The following SDK1 variants were observed in gnomAD, a reference collection of about 807,000 sequenced individuals.
The protein encoded by SDK1 is protein sidekick-1.
A neutral mutation model predicts 245.5 loss-of-function variants in SDK1; 157 were observed. The ratio of observed to expected loss-of-function variants is 0.64; its 90% CI spans 0.56 to 0.73. The LOEUF is 0.73. SDK1 is among the 30% of genes least tolerant of loss of function. The probability of loss-of-function intolerance (pLI) is 0.00; values close to 1 mark genes in which losing one functional copy is unlikely to be tolerated. For missense variants in SDK1, 3,583 were observed against 3,002.3 expected (o/e 1.19, Z -4.52); for synonymous variants, 1,647 against 1,278.5 (o/e 1.29, Z -6.15).
intron 17 of SDK1, among the ~76,000 whole-genome samples, chr7:4,018,611 T>C (rs981248070): frequency 6.6e-6 from 1 of 152,270 alleles, no homozygotes; most frequent in Non-Finnish European, 1.5e-5. Flanking sequence ...AAGACTCATA[T>C]TGCTATTAGT....
chr7:4,230,084 G>GAA, intron 40 of SDK1, among the ~76,000 whole-genome samples: 2 of 144,988 alleles, frequency 1.4e-5, no homozygotes, highest in Non-Finnish European at 3.0e-5. Flanking sequence ...AGGAAGGAAG[G>GAA]GTGGGCAGGC....
At chr7:3,302,695 C>T (rs1274971577) in intron 1 of SDK1, among the ~76,000 whole-genome samples, 1 of 144,106 alleles carries the variant, frequency 6.9e-6, no homozygotes, top group East Asian at 2.3e-4. Context: ...GGTCTTTAAA[C>T]CAAAACACCC....
At chr7:3,572,468 A>G (rs1032940890) in intron 1 of SDK1, among the ~76,000 whole-genome samples, 1 of 151,970 alleles carries the variant, frequency 6.6e-6, no homozygotes, top group Non-Finnish European at 1.5e-5. Context: ...AATTTCCTAT[A>G]AACTGCGCAG....
At chr7:4,175,955 C>A in intron 34 of SDK1, 121 bp downstream of exon 34, 1 of 784,984 alleles carries the variant, frequency 1.3e-6, no homozygotes, top group Non-Finnish European at 2.2e-6. Context: ...CTGGAATCGC[C>A]TCTCAAACGC....
At chr7:3,520,328 G>C (rs1199155525) in intron 1 of SDK1, among the ~76,000 whole-genome samples, 2 of 152,130 alleles carry the variant, frequency 1.3e-5, no homozygotes, top group Non-Finnish European at 2.9e-5. Context: ...TGTCAACCTA[G>C]GTAAGAACAT....
At chr7:4,005,393 AGTGTGTGTGTGTGTGTGTGT>A (rs71032920) in intron 14 of SDK1, among the ~76,000 whole-genome samples, 6 of 129,818 alleles carry the variant, frequency 4.6e-5, no homozygotes, top group Non-Finnish European at 9.7e-5. Flanking sequence ...TTCTTATGTG[AGTGTGTGTGTGTGTGTGTGT>A]GTGTGTGTGT....
chr7:3,850,492 C>T (rs1021647647), intron 5 of SDK1, among the ~76,000 whole-genome samples: 1 of 152,170 alleles, frequency 6.6e-6, no homozygotes, highest in Non-Finnish European at 1.5e-5. Context: ...TTTGACCTAG[C>T]TATCCCATTA....
chr7:3,513,268 A>G (rs952210920), intron 1 of SDK1, among the ~76,000 whole-genome samples: 4 of 152,218 alleles, frequency 2.6e-5, no homozygotes, highest in African/African-American at 4.8e-5. Flanking sequence ...AAGCCTAGAA[A>G]GATGGTAAAA....
chr7:4,037,558 T>C (rs1788314422), intron 17 of SDK1, among the ~76,000 whole-genome samples: 1 of 152,142 alleles, frequency 6.6e-6, no homozygotes, highest in Admixed American at 6.5e-5. Flanking sequence ...TTGAGGTTGC[T>C]GCAGTGGGCC....
At chr7:3,528,882 C>G (rs1291296656) in intron 1 of SDK1, among the ~76,000 whole-genome samples, 2 of 152,096 alleles carry the variant, frequency 1.3e-5, no homozygotes, top group Admixed American at 6.5e-5. Flanking sequence ...ATGGGCTCTT[C>G]CTGATCTCCT....
At chr7:3,856,686 G>C (rs904714674) in intron 5 of SDK1, among the ~76,000 whole-genome samples, 4 of 152,022 alleles carry the variant, frequency 2.6e-5, no homozygotes, top group Admixed American at 1.3e-4. Flanking sequence ...AGCTAGTCAG[G>C]AGGCTGAGGC....
At chr7:3,443,912 A>G (rs1780268880) in intron 1 of SDK1, among the ~76,000 whole-genome samples, 1 of 152,270 alleles carries the variant, frequency 6.6e-6, no homozygotes, top group African/African-American at 2.4e-5. Context: ...AATATGACTG[A>G]AGATGTGAAC....
intron 3 of SDK1, among the ~76,000 whole-genome samples, chr7:3,640,009 G>C (rs993862977): frequency 1.3e-4 from 19 of 151,972 alleles, no homozygotes; most frequent in African/African-American, 3.6e-4. Context: ...ACCATGCCTG[G>C]CTAATCTGGC....
chr7:4,251,096 A>G (rs1175241100), intron 44 of SDK1, among the ~76,000 whole-genome samples: 1 of 152,186 alleles, frequency 6.6e-6, no homozygotes, highest in Non-Finnish European at 1.5e-5. Context: ...AGGGTCACTG[A>G]TATATGTTGT....
intron 5 of SDK1, among the ~76,000 whole-genome samples, chr7:3,923,512 C>T (rs570349629): frequency 1.3e-5 from 2 of 152,316 alleles, no homozygotes; most frequent in East Asian, 1.9e-4. Flanking sequence ...CAATGGAGCC[C>T]GGGACTGGCA....
At chr7:3,664,873 A>G (rs967364381) in intron 4 of SDK1, among the ~76,000 whole-genome samples, 1 of 152,214 alleles carries the variant, frequency 6.6e-6, no homozygotes, top group Non-Finnish European at 1.5e-5. Flanking sequence ...CCTCCAAGAA[A>G]CAGAAACTGT....
At chr7:3,927,280 A>C (rs1779806021) in intron 5 of SDK1, among the ~76,000 whole-genome samples, 1 of 152,330 alleles carries the variant, frequency 6.6e-6, no homozygotes, top group East Asian at 1.9e-4. Flanking sequence ...TAATTGAAAT[A>C]GAATTTTTTT....
chr7:3,748,287 T>G (rs1366077996), intron 4 of SDK1, among the ~76,000 whole-genome samples: 2 of 152,230 alleles, frequency 1.3e-5, no homozygotes, highest in African/African-American at 2.4e-5. Flanking sequence ...GGCTGCTTTT[T>G]TATAGTTCCT....
intron 29 of SDK1, among the ~76,000 whole-genome samples, chr7:4,147,878 C>T (rs1219676195): frequency 6.6e-6 from 1 of 152,140 alleles, no homozygotes; most frequent in Non-Finnish European, 1.5e-5. Context: ...ATTGACTGTG[C>T]CCCTCCCGCG....
Sources: gnomAD v4.1 joint callset for allele counts (sites outside exome capture counted in the v4.1 genomes callset) on GRCh38, gnomAD v4.1.1 for gene constraint, MANE v1.5 for transcripts, NCBI Gene and HGNC (gene_info 2026-07-23, HGNC 2026-07-21) for gene names.